LCA5L: variants seen among roughly 807,000 people sequenced by gnomAD.
LCA5L encodes lebercilin-like protein.
LCA5L carries 35 observed loss-of-function variants against 45.4 expected under a neutral mutation model. The observed-to-expected ratio is 0.77, with a 90% CI of 0.59 to 1.02. LCA5L has a LOEUF of 1.02. Ranked by LOEUF, LCA5L falls within the 50% of genes least tolerant of loss-of-function variation. The pLI, the probability that LCA5L is intolerant of heterozygous loss-of-function variation, is 0.00. For missense variants in LCA5L, 668 were observed against 761.6 expected (o/e 0.88, Z 1.45); for synonymous variants, 233 against 264.7 (o/e 0.88, Z 1.16).
chr21:39,441,556 T>C (rs779582146), intron 2 of LCA5L, among the ~76,000 whole-genome samples: 1 of 152,160 alleles, frequency 6.6e-6, no homozygotes, highest in South Asian at 2.1e-4. Context: ...CGTTCAAAGT[T>C]TGGATGGTTA....
At position 39,420,765 on chromosome 21, in the gene LCA5L, C is replaced by A. The variant is rs201082349; in HGVS notation, c.916G>T (p.Ala306Ser). 1.2e-6 allele frequency: 2 copies of A among 1,613,620 alleles called. No individual in the cohort carries two copies. The highest frequency in any genetic ancestry group is 2.2e-5 in the South Asian group (2 of 91,068). ...LAIETRKTLA[A>S]QTATKTLQVE... ...TGCAGAGTCTTGGTAGCTGTCTGAG[C>A]TGCTAAAGTCTTCCGAGTCTCAATA... The change falls in exon 7 of 11, where the codon GCT becomes TCT. Residue 306 changes from alanine to serine, a missense_variant. Transcript: ENST00000288350.
intron 5 of LCA5L, chr21:39,425,890 T>A (rs2074602455): frequency 6.6e-6 from 1 of 152,178 alleles, no homozygotes; most frequent in African/African-American, 2.4e-5. Flanking sequence ...GGCAGAGGCA[T>A]GAGAGGGTGC....
At chr21:39,438,989 C>A (rs925883202) in intron 2 of LCA5L, 1 of 152,154 alleles carries the variant, frequency 6.6e-6, no homozygotes, top group Non-Finnish European at 1.5e-5. Flanking sequence ...TCCCTAGAAC[C>A]TGTGTTACTA....
At chr21:39,410,186 A>G in intron 9 of LCA5L, 78 bp downstream of exon 9, 18 of 1,241,804 alleles carry the variant, frequency 1.4e-5, no homozygotes. Flanking sequence ...AATACTTTTC[A>G]CATAGAACAA....
intron 3 of LCA5L, among the ~76,000 whole-genome samples, chr21:39,433,791 G>T (rs75122177): frequency 0.042 from 6,256 of 148,640 alleles, 410 homozygotes; most frequent in African/African-American, 0.15. Context: ...TTGAGAGAGG[G>T]TCTTCTTCTA....
intron 7 of LCA5L, among the ~76,000 whole-genome samples, chr21:39,417,835 C>T (rs527239521): frequency 9.3e-4 from 142 of 152,118 alleles, no homozygotes; most frequent in Admixed American, 3.8e-3. Context: ...GCGTGATCTC[C>T]GCTCACTGCA....
intron 7 of LCA5L, chr21:39,414,184 G>C (rs1377743233): frequency 1.3e-5 from 2 of 152,294 alleles, no homozygotes; most frequent in Non-Finnish European, 1.5e-5. Flanking sequence ...AAGCACAAAG[G>C]GTATCAAGGA....
chr21:39,418,533 CTCTG>C (rs1173230386), intron 7 of LCA5L, among the ~76,000 whole-genome samples: 6 of 152,032 alleles, frequency 3.9e-5, no homozygotes. Flanking sequence ...TGGAGCCTCA[CTCTG>C]TCACCCAGGG....
chr21:39,433,105 T>C (rs904163981), intron 3 of LCA5L, among the ~76,000 whole-genome samples: 10 of 152,156 alleles, frequency 6.6e-5, no homozygotes, highest in Non-Finnish European at 1.2e-4. Flanking sequence ...TGAAGCCCAA[T>C]TATCAATTTG....
chr21:39,436,067 G>A (rs939307470), intron 2 of LCA5L: 4 of 152,208 alleles, frequency 2.6e-5, no homozygotes, highest in African/African-American at 9.7e-5. Context: ...GCCTTTTCAA[G>A]TTTTTGGCAG....
chr21:39,431,869 A>G (rs2075768969), intron 3 of LCA5L, among the ~76,000 whole-genome samples: 1 of 152,154 alleles, frequency 6.6e-6, no homozygotes, highest in Non-Finnish European at 1.5e-5. Flanking sequence ...CAAATTTCTA[A>G]AACACATAGT....
At chr21:39,420,332 G>C (rs2042067765) in intron 7 of LCA5L, among the ~76,000 whole-genome samples, 1 of 152,024 alleles carries the variant, frequency 6.6e-6, no homozygotes, top group Non-Finnish European at 1.5e-5. Context: ...GACCAGCCTG[G>C]CCAACACGGC....
At chr21:39,406,782 C>A (rs2039133817) in intron 10 of LCA5L, 170 bp from the exon 11 acceptor site, 1 of 551,430 alleles carries the variant, frequency 1.8e-6, no homozygotes, top group African/African-American at 1.9e-5. Context: ...GTGCTATTAA[C>A]AAATGTGTTA....
chr21:39,434,019 C>T (rs927039150), intron 3 of LCA5L, among the ~76,000 whole-genome samples: 1 of 143,238 alleles, frequency 7.0e-6, no homozygotes, highest in Admixed American at 7.4e-5. Flanking sequence ...GTTACTTGTA[C>T]ATAAATTATA....
intron 3 of LCA5L, among the ~76,000 whole-genome samples, chr21:39,430,012 TCAAAAA>T (rs2075503252): frequency 6.6e-6 from 1 of 151,180 alleles, no homozygotes; most frequent in African/African-American, 2.5e-5. Flanking sequence ...CAACTCTGTC[TCAAAAA>T]CAAACAAACA....
chr21:39,435,159 A>G (rs1458055236), intron 3 of LCA5L, among the ~76,000 whole-genome samples: 1 of 152,214 alleles, frequency 6.6e-6, no homozygotes, highest in East Asian at 1.9e-4. Context: ...TATAAACACT[A>G]TTCTAATGGA....
chr21:39,410,094 A>G lies in LCA5L; in HGVS notation c.1167T>C (p.Gly389=), dbSNP rs144897488. ...KSDVPPLTTK[G]KKATGNIDHK... is the part of the protein sequence containing the mutation. ...GATCGATGTTTCCTGTTGCCTTTTTACCCTGTAATTTAGAAAAGCAGCAAA... is the reference window on the plus strand; with the variant it reads ...GATCGATGTTTCCTGTTGCCTTTTTGCCCTGTAATTTAGAAAAGCAGCAAA... Residue 389 remains glycine (G), a splice_region_variant and synonymous_variant, in exon 10 of 11, where the codon GGT becomes GGC. Transcript: ENST00000288350. The G allele has an allele frequency of 8.9e-4, 1,420 of 1,598,112 alleles. 2 individuals carry two copies. Among genetic ancestry groups the G allele is most frequent in the Non-Finnish European group, 1.1e-3 (1,226 of 1,166,868 alleles).
intron 7 of LCA5L, among the ~76,000 whole-genome samples, chr21:39,416,947 T>C (rs567800806): frequency 1.2e-4 from 18 of 152,374 alleles, no homozygotes; most frequent in African/African-American, 4.1e-4. Context: ...GTTCCCTGTC[T>C]GCAGGTTCTG....
intron 7 of LCA5L, among the ~76,000 whole-genome samples, chr21:39,417,320 A>T (rs146234593): frequency 5.9e-5 from 9 of 152,164 alleles, no homozygotes; most frequent in South Asian, 2.1e-4. Flanking sequence ...GATTACAGGC[A>T]TGAGCCACTG....
Sources: allele counts gnomAD v4.1 joint callset (sites outside exome capture counted in the v4.1 genomes callset), GRCh38; gene constraint gnomAD v4.1.1; transcripts MANE v1.5; gene names NCBI Gene and HGNC (gene_info 2026-07-23, HGNC 2026-07-21).